BIRC6: variants seen among roughly 807,000 people sequenced by gnomAD.
BIRC6 encodes dual E2 ubiquitin-conjugating enzyme/E3 ubiquitin-protein ligase BIRC6.
In BIRC6, 98 loss-of-function variants were observed where a neutral mutation model predicts 503.3. The observed-to-expected ratio is 0.19, with a 90% confidence interval of 0.17 to 0.23. The LOEUF (loss-of-function observed/expected upper bound fraction) is 0.23. BIRC6 is among the 10% of genes least tolerant of loss of function. BIRC6 has a pLI of 1.00. For missense variants in BIRC6, 5,360 were observed against 5,806.0 expected (o/e 0.92, Z 2.50); for synonymous variants, 2,240 against 2,078.7 (o/e 1.08, Z -2.11).
rs1281520440 is a variant in BIRC6, at chr2:32,406,501, A to T, written c.1421A>T (p.Asp474Val). 6.2e-7 allele frequency: 1 copy of T among 1,606,632 alleles called. No homozygotes were observed. The highest frequency in any genetic ancestry group is 8.5e-7 in the Non-Finnish European group (1 of 1,174,898). The change falls in exon 9 of 74, where the codon GAT (aspartate) becomes GTT (valine). Residue 474 changes from aspartate (D) to valine (V), a missense_variant and splice_region_variant. Around this residue, in one of 16 missense-constraint regions of BIRC6, gnomAD observed 700 missense variants for 739.3 expected, o/e 0.95. Coordinates refer to ENST00000421745, the MANE Select transcript of BIRC6 (RefSeq NM_016252.4). Reference protein sequence around the residue: ...SDIPKLEGDSDDLLEDSDSEE... With the variant: ...SDIPKLEGDSVDLLEDSDSEE... ...TTTACTTTGTTTTTTGATTTAAGTGATGATTTACTGGAGGATTCAGACAGT... is the reference window on the plus strand; with the variant it reads ...TTTACTTTGTTTTTTGATTTAAGTGTTGATTTACTGGAGGATTCAGACAGT...
At chr2:32,576,036 TA>T (rs1429143089) in intron 66 of BIRC6, among the ~76,000 whole-genome samples, 4 of 152,240 alleles carry the variant, frequency 2.6e-5, no homozygotes, top group Non-Finnish European at 5.9e-5. Context: ...GACATTGTTC[TA>T]AATACTTCAA....
rs2033368239 is a variant in BIRC6 at position 32,357,901 on chromosome 2, C to T, written c.325+415C>T. Among the ~76,000 whole-genome samples, 1 of 151,932 alleles carries T rather than the reference C, an allele frequency of 6.6e-6. No individual in the cohort carries two copies. Among genetic ancestry groups the T allele is most frequent in the Non-Finnish European group, 1.5e-5 (1 of 67,998 alleles). On this transcript the variant is annotated intron_variant, in intron 1 of 73. Coordinates refer to ENST00000421745, the MANE Select transcript of BIRC6 (RefSeq NM_016252.4). The surrounding 1 kb of genome is among the most constrained non-coding windows in gnomAD (Gnocchi z 4.9). ...GACCCCGGGCGGAGAGGCTGGTGGC[C>T]GGAGGCGAGGGGCGGGGAGCGTCTG...
intron 66 of BIRC6, 59 bp from the exon 67 acceptor site, chr2:32,593,856 T>TTA: frequency 7.2e-7 from 1 of 1,386,332 alleles, no homozygotes; most frequent in Non-Finnish European, 1.0e-6. Flanking sequence ...TTTATGGAGG[T>TTA]GTTTTAGTCC....
At chr2:32,561,206 A>G (rs1327469223) in intron 65 of BIRC6, among the ~76,000 whole-genome samples, 1 of 151,858 alleles carries the variant, frequency 6.6e-6, no homozygotes, top group African/African-American at 2.4e-5. Flanking sequence ...TCAAAAAAAA[A>G]AAAATTGACC....
At chr2:32,410,245 C>T (rs538427771) in intron 9 of BIRC6, among the ~76,000 whole-genome samples, 2 of 152,184 alleles carry the variant, frequency 1.3e-5, no homozygotes, top group South Asian at 2.1e-4. Context: ...ATAAAAATAT[C>T]TCAGTTGATC....
rs756841972 is a variant in BIRC6, at chr2:32,429,193, G to A, written c.2920G>A (p.Asp974Asn). 14 of 1,587,850 alleles carry A rather than the reference G, an allele frequency of 8.8e-6. No individual in the cohort carries two copies. The highest frequency in any genetic ancestry group is 1.2e-5 in the Non-Finnish European group (14 of 1,165,550). The part of the protein sequence containing the change: ...LQIGGTCDDI[D>N]EADILVDGSL... The stretch of plus-strand genomic sequence containing the variant: ...AATTGGAGGAACCTGTGATGATATT[G>A]ATGAAGCTGATATACTAGTGGATGG... Residue 974 changes from aspartate to asparagine, a missense_variant, in exon 11 of 74, where the codon GAT becomes AAT. By Grantham distance (23) the Asp-to-Asn change is conservative. Transcript: ENST00000421745.
chr2:32,468,310 A>G (rs1195031126), intron 28 of BIRC6, 127 bp from the exon 29 acceptor site: 58 of 974,932 alleles, frequency 5.9e-5, no homozygotes, highest in Non-Finnish European at 8.3e-5. Flanking sequence ...ATTAGTACCT[A>G]TCAAGTGGGT....
chr2:32,416,236 G>A, intron 10 of BIRC6, 73 bp downstream of exon 10: 1 of 1,386,912 alleles, frequency 7.2e-7, no homozygotes. Flanking sequence ...TGCAAACCTA[G>A]TATGAATTTT....
At chr2:32,551,114 T>A (rs183049771) in intron 65 of BIRC6, among the ~76,000 whole-genome samples, 2 of 152,044 alleles carry the variant, frequency 1.3e-5, no homozygotes, top group Non-Finnish European at 2.9e-5. Context: ...AGTCAGTAGG[T>A]TAAACGGTAG....
chr2:32,414,473 C>G (rs1010557402), intron 9 of BIRC6, among the ~76,000 whole-genome samples: 5 of 151,886 alleles, frequency 3.3e-5, no homozygotes, highest in African/African-American at 9.7e-5. Flanking sequence ...TTGAGACCAT[C>G]CTGGACAACA....
chr2:32,455,672 C>A (rs886758789), intron 23 of BIRC6, among the ~76,000 whole-genome samples: 3 of 152,190 alleles, frequency 2.0e-5, no homozygotes, highest in African/African-American at 7.2e-5. Flanking sequence ...TTTTATTTTA[C>A]AAAAATTCAT....
At chr2:32,446,081 C>T (rs973923834) in intron 21 of BIRC6, among the ~76,000 whole-genome samples, 1 of 152,136 alleles carries the variant, frequency 6.6e-6, no homozygotes, top group Admixed American at 6.5e-5. Context: ...TTCGCAAACT[C>T]CCAACCTCAG....
At chr2:32,480,590 C>A (rs914777326) in intron 37 of BIRC6, among the ~76,000 whole-genome samples, 2 of 115,200 alleles carry the variant, frequency 1.7e-5, no homozygotes, top group African/African-American at 3.4e-5. Flanking sequence ...ACAATAATTT[C>A]TAATTCATAA....
intron 12 of BIRC6, among the ~76,000 whole-genome samples, chr2:32,432,009 T>C (rs1298382427): frequency 6.6e-6 from 1 of 152,166 alleles, no homozygotes; most frequent in South Asian, 2.1e-4. Flanking sequence ...TCCATGATAA[T>C]AGCAATACAG....
Position 32,435,526 on chromosome 2 carries a change from A to G in BIRC6, c.3440A>G (p.Lys1147Arg). ...ALNIEVEQNGKPSLVDLNEEM... is the reference protein window; with the variant it reads ...ALNIEVEQNGRPSLVDLNEEM... ...AACATTGAAGTGGAACAAAATGGGA[A>G]ACCGTCCCTGGTTGATTTGAATGAA... The change falls in exon 14 of 74, where the codon AAA becomes AGA. Residue 1147 changes from lysine to arginine, a missense_variant. Lys to Arg is a conservative substitution (Grantham distance 26, BLOSUM62 2). This residue lies in a region of BIRC6 where 2,299 missense variants were observed against 2,267.2 expected (regional missense o/e 1.01). Transcript: ENST00000421745. 1 of 1,554,720 alleles carries G rather than the reference A, an allele frequency of 6.4e-7. No individual in the cohort carries two copies. Among genetic ancestry groups the G allele is most frequent in the Non-Finnish European group, 8.7e-7 (1 of 1,148,042 alleles).
intron 44 of BIRC6, 136 bp downstream of exon 44, chr2:32,491,694 G>A: frequency 1.0e-6 from 1 of 982,186 alleles, no homozygotes; most frequent in East Asian, 2.7e-5. Context: ...AAAAGGTTTT[G>A]TTATTTGTAA....
intron 68 of BIRC6, among the ~76,000 whole-genome samples, chr2:32,597,150 A>G (rs558685533): frequency 5.3e-5 from 8 of 152,210 alleles, no homozygotes; most frequent in Non-Finnish European, 1.0e-4. Flanking sequence ...TTCTTTTACA[A>G]CTTGATACTT....
chr2:32,531,673 T>G (rs1380873409), intron 61 of BIRC6, 122 bp downstream of exon 61: 7 of 890,874 alleles, frequency 7.9e-6, no homozygotes, highest in Non-Finnish European at 1.2e-5. Flanking sequence ...TTATATTTTT[T>G]GAACATTATA....
chr2:32,385,355 TTG>T (rs1407451311), intron 3 of BIRC6, among the ~76,000 whole-genome samples: 2 of 152,220 alleles, frequency 1.3e-5, no homozygotes, highest in African/African-American at 4.8e-5. Context: ...CTTTTGGACT[TTG>T]TGAAGACAGA....
Sources: allele counts gnomAD v4.1 joint callset (sites outside exome capture counted in the v4.1 genomes callset), GRCh38; gene constraint gnomAD v4.1.1; regional missense constraint gnomAD v4.1.1; non-coding constraint Gnocchi (gnomAD v3.1); transcripts MANE v1.5; gene names NCBI Gene and HGNC (gene_info 2026-07-23, HGNC 2026-07-21).